MAML2: variants seen among roughly 807,000 people sequenced by gnomAD.
MAML2 encodes the protein mastermind-like protein 2.
MAML2 carries 22 observed loss-of-function variants against 96.1 expected under a neutral mutation model. The ratio of observed to expected loss-of-function variants is 0.23; its 90% confidence interval spans 0.16 to 0.33. The LOEUF (loss-of-function observed/expected upper bound fraction) is 0.33, where lower values mean the gene tolerates loss of function less well. Among genes scored for constraint, MAML2 ranks in the 10% least tolerant of loss-of-function variants. The pLI is 1.00. For missense variants in MAML2, 1,367 were observed against 1,392.4 expected (o/e 0.98, Z 0.29); for synonymous variants, 561 against 521.3 (o/e 1.08, Z -1.04).
chr11:96,219,163 A>G (rs1335359075), intron 1 of MAML2, among the ~76,000 whole-genome samples: 1 of 152,220 alleles, frequency 6.6e-6, no homozygotes, highest in Non-Finnish European at 1.5e-5. Flanking sequence ...AACAACATAA[A>G]TAAGGCCCTT....
chr11:96,301,550 C>A (rs1480281333), intron 1 of MAML2, among the ~76,000 whole-genome samples: 1 of 152,222 alleles, frequency 6.6e-6, no homozygotes, highest in Non-Finnish European at 1.5e-5. Context: ...AGCAGAATGA[C>A]CCTCTTGTTA....
In MAML2 at chr11:95,991,908, C is replaced by A. The variant is rs141332762; in HGVS notation, c.2140-185G>T. Among the ~76,000 whole-genome samples the A allele has an allele frequency of 7.9e-4, 120 of 152,254 alleles. 1 individual carries two copies. The highest frequency in any genetic ancestry group is 2.7e-3 in the African/African-American group (114 of 41,538). The stretch of plus-strand genomic sequence containing the variant: ...AGAAATAATTGCATAACACAGCAAC[C>A]AAAGCAGCTGGGTTAATGACATTAG... On this transcript the variant is annotated intron_variant, in intron 2 of 4. Coordinates refer to ENST00000524717, the MANE Select transcript of MAML2 (RefSeq NM_032427.4).
intron 1 of MAML2, among the ~76,000 whole-genome samples, chr11:96,166,596 A>G (rs993405027): frequency 2.6e-5 from 4 of 152,208 alleles, no homozygotes; most frequent in Non-Finnish European, 5.9e-5. Flanking sequence ...GTCAATAGCT[A>G]AAGCATTGGT....
In MAML2 at chr11:96,114,461, C is replaced by A. The variant is rs184867218; in HGVS notation, c.514-20944G>T. Among the ~76,000 whole-genome samples the A allele has an allele frequency of 6.0e-4, 91 of 152,324 alleles. 1 individual carries two copies. Among genetic ancestry groups the A allele is most frequent in the African/African-American group, 2.0e-3 (84 of 41,580 alleles). ...AACCTCAGTTTGAAATGAATTCATGCAAATCCACCCCACCTATCTCTGCTT... is the reference window on the plus strand; with the variant it reads ...AACCTCAGTTTGAAATGAATTCATGAAAATCCACCCCACCTATCTCTGCTT... On this transcript the variant is annotated intron_variant, in intron 1 of 4. Transcript: ENST00000524717.
At chr11:96,235,385 T>A (rs1055276799) in intron 1 of MAML2, among the ~76,000 whole-genome samples, 6 of 152,180 alleles carry the variant, frequency 3.9e-5, no homozygotes, top group African/African-American at 1.4e-4. Flanking sequence ...AGTCATATGG[T>A]CCACAAAGCC....
chr11:96,042,742 T>TTA, intron 2 of MAML2, among the ~76,000 whole-genome samples: 1 of 112,624 alleles, frequency 8.9e-6, no homozygotes, highest in South Asian at 3.2e-4. Flanking sequence ...ATCGTTAACG[T>TTA]TCTTTTTTTT....
intron 1 of MAML2, among the ~76,000 whole-genome samples, chr11:96,174,254 T>C (rs1397787363): frequency 6.6e-6 from 1 of 152,204 alleles, no homozygotes; most frequent in Non-Finnish European, 1.5e-5. Flanking sequence ...GGGGATGCCT[T>C]GCTTTTCTGT....
chr11:96,269,528 G>T (rs1017002260), intron 1 of MAML2, among the ~76,000 whole-genome samples: 2 of 143,326 alleles, frequency 1.4e-5, no homozygotes, highest in Middle Eastern at 3.3e-3. Flanking sequence ...TTTTTATTTT[G>T]GGGGGAAATG....
intron 1 of MAML2, among the ~76,000 whole-genome samples, chr11:96,336,039 C>T (rs1863916239): frequency 6.6e-6 from 1 of 152,172 alleles, no homozygotes; most frequent in Non-Finnish European, 1.5e-5. Context: ...GTATCAGGCA[C>T]TATGCTGACT....
At chr11:96,317,438 A>G (rs2136008541) in intron 1 of MAML2, among the ~76,000 whole-genome samples, 1 of 152,326 alleles carries the variant, frequency 6.6e-6, no homozygotes, top group East Asian at 1.9e-4. Flanking sequence ...TTCCCAGTAG[A>G]GGCCCGGGAA....
At chr11:96,129,918 A>G (rs1023451825) in intron 1 of MAML2, among the ~76,000 whole-genome samples, 4 of 152,200 alleles carry the variant, frequency 2.6e-5, no homozygotes, top group Non-Finnish European at 5.9e-5. Flanking sequence ...AAAGCTCCCC[A>G]TTTGGATCTA....
At chr11:96,001,930 G>T (rs1318058280) in intron 2 of MAML2, among the ~76,000 whole-genome samples, 1 of 152,050 alleles carries the variant, frequency 6.6e-6, no homozygotes, top group African/African-American at 2.4e-5. Flanking sequence ...CCAAATTTTT[G>T]TAAATGGTCA....
At chr11:96,030,647 A>G (rs529085670) in intron 2 of MAML2, among the ~76,000 whole-genome samples, 1 of 152,356 alleles carries the variant, frequency 6.6e-6, no homozygotes, top group South Asian at 2.1e-4. Context: ...CTCAAGCTGT[A>G]TACATGGTAG....
intron 1 of MAML2, among the ~76,000 whole-genome samples, chr11:96,159,407 C>CTTTTTTTTTT (rs760811590): frequency 0.018 from 1,627 of 90,960 alleles, 236 homozygotes; most frequent in East Asian, 0.043. Flanking sequence ...ACCACTGATT[C>CTTTTTTTTTT]TTTTTTTTTT....
chr11:96,089,501 T>A (rs1859671044), intron 2 of MAML2, among the ~76,000 whole-genome samples: 1 of 152,194 alleles, frequency 6.6e-6, no homozygotes, highest in Admixed American at 6.5e-5. Flanking sequence ...AGGATGAATG[T>A]TACTGTGTTG....
chr11:96,153,070 T>C (rs1388679853), intron 1 of MAML2, among the ~76,000 whole-genome samples: 1 of 152,212 alleles, frequency 6.6e-6, no homozygotes, highest in Non-Finnish European at 1.5e-5. Flanking sequence ...AAGAGGATGC[T>C]TTGGAAATCT....
At chr11:96,025,657 G>A (rs1465946621) in intron 2 of MAML2, among the ~76,000 whole-genome samples, 2 of 152,120 alleles carry the variant, frequency 1.3e-5, no homozygotes, top group Admixed American at 1.3e-4. Flanking sequence ...GGGTTCAAGC[G>A]ATTCTCCTGC....
chr11:96,196,490 T>C (rs1342384857), intron 1 of MAML2, among the ~76,000 whole-genome samples: 1 of 152,228 alleles, frequency 6.6e-6, no homozygotes, highest in Non-Finnish European at 1.5e-5. Context: ...AAAAATCACA[T>C]GCAGGGATTG....
intron 1 of MAML2, among the ~76,000 whole-genome samples, chr11:96,322,149 T>TA (rs1863711915): frequency 6.6e-6 from 1 of 152,080 alleles, no homozygotes; most frequent in African/African-American, 2.4e-5. Flanking sequence ...CCGCTAATAA[T>TA]AAGAGTCAGT....
Sources: allele counts gnomAD v4.1 joint callset (sites outside exome capture counted in the v4.1 genomes callset), GRCh38; gene constraint gnomAD v4.1.1; transcripts MANE v1.5; gene names NCBI Gene and HGNC (gene_info 2026-07-23, HGNC 2026-07-21).